The following CREB5 variants were observed in gnomAD, a reference collection of about 807,000 sequenced individuals.
CREB5 encodes the protein cyclic AMP-responsive element-binding protein 5.
In CREB5, 19 loss-of-function variants were observed where a neutral mutation model predicts 57.1. That is an observed-to-expected ratio of 0.33 (90% CI 0.23 to 0.49). The LOEUF (loss-of-function observed/expected upper bound fraction) is 0.49, where lower values mean the gene tolerates loss of function less well. CREB5 is among the 20% of genes least tolerant of loss of function. The pLI, the probability that CREB5 is intolerant of heterozygous loss-of-function variation, is 0.99. For missense variants in CREB5, 579 were observed against 671.6 expected, an observed-to-expected ratio of 0.86 and a Z score of 1.52; for synonymous variants, 238 against 238.3, an observed-to-expected ratio of 1.00 and a Z score of 0.01.
intron 5 of CREB5, among the ~76,000 whole-genome samples, chr7:28,657,664 C>A (rs1184050384): frequency 1.5e-5 from 2 of 129,234 alleles, no homozygotes; most frequent in Non-Finnish European, 1.5e-5. Flanking sequence ...TTGCAGTGAG[C>A]GGAGATCGTG....
chr7:28,491,213 G>A (rs1475436764), intron 2 of CREB5: 1 of 985,452 alleles, frequency 1.0e-6, no homozygotes, highest in Non-Finnish European at 1.2e-6. Flanking sequence ...AAAATTAAAG[G>A]ATAGCCGAGC....
intron 1 of CREB5, among the ~76,000 whole-genome samples, chr7:28,392,496 C>A (rs919011614): frequency 6.6e-6 from 1 of 152,070 alleles, no homozygotes; most frequent in Admixed American, 6.5e-5. Flanking sequence ...ACTTTTGCAC[C>A]AACCAAATAC....
intron 7 of CREB5, among the ~76,000 whole-genome samples, chr7:28,737,856 T>C (rs970018335): frequency 2.0e-5 from 3 of 152,100 alleles, no homozygotes; most frequent in South Asian, 2.1e-4. Context: ...AGCTGTTACA[T>C]TGAATTCACC....
intron 5 of CREB5, among the ~76,000 whole-genome samples, chr7:28,612,546 GTGTGT>G (rs1797433418): frequency 1.3e-4 from 6 of 44,820 alleles, no homozygotes; most frequent in Admixed American, 6.4e-4. Context: ...GAGAAGGGGT[GTGTGT>G]GTGTGTGTGT....
At chr7:28,359,651 C>T (rs1041637476) in intron 1 of CREB5, among the ~76,000 whole-genome samples, 1 of 152,074 alleles carries the variant, frequency 6.6e-6, no homozygotes, top group African/African-American at 2.4e-5. Context: ...CCACACAACA[C>T]TGGTCTAGGC....
intron 1 of CREB5, among the ~76,000 whole-genome samples, chr7:28,463,131 T>G: frequency 6.6e-6 from 1 of 152,186 alleles, no homozygotes; most frequent in East Asian, 1.9e-4. Flanking sequence ...GGATCCACCT[T>G]TATTCTTTTA....
At chr7:28,358,104 T>C in intron 1 of CREB5, among the ~76,000 whole-genome samples, 1 of 152,048 alleles carries the variant, frequency 6.6e-6, no homozygotes, top group East Asian at 1.9e-4. Context: ...GCATACACAC[T>C]TTTTTTCAGT....
intron 5 of CREB5, among the ~76,000 whole-genome samples, chr7:28,656,122 T>G (rs1249599966): frequency 6.6e-6 from 1 of 152,206 alleles, no homozygotes; most frequent in African/African-American, 2.4e-5. Context: ...CAGCCCAGCT[T>G]TACCCCTATG....
intron 1 of CREB5, among the ~76,000 whole-genome samples, chr7:28,306,997 T>G (rs552481989): frequency 5.9e-5 from 9 of 152,310 alleles, no homozygotes; most frequent in African/African-American, 2.2e-4. Context: ...GCTCCAGCAG[T>G]TTTTACCTGT....
intron 5 of CREB5, among the ~76,000 whole-genome samples, chr7:28,627,631 A>G (rs1798051297): frequency 6.6e-6 from 1 of 152,158 alleles, no homozygotes; most frequent in Non-Finnish European, 1.5e-5. Context: ...TGAAATGCAA[A>G]AAAGGGTTTT....
intron 1 of CREB5, among the ~76,000 whole-genome samples, chr7:28,326,276 T>G (rs578248274): frequency 6.6e-6 from 1 of 152,278 alleles, no homozygotes; most frequent in Admixed American, 6.5e-5. Context: ...TACTACATAC[T>G]TTTTTAAACC....
intron 5 of CREB5, among the ~76,000 whole-genome samples, chr7:28,620,695 C>G (rs973922253): frequency 6.6e-6 from 1 of 152,146 alleles, no homozygotes; most frequent in Non-Finnish European, 1.5e-5. Context: ...CATCCAGAGC[C>G]GCTACGGTCA....
rs1467042671 is a variant in CREB5 at position 28,611,924 on chromosome 7, C to T, written c.464+41387C>T. On this transcript the variant is annotated intron_variant, in intron 5 of 10. Coordinates refer to ENST00000357727, the MANE Select transcript of CREB5 (RefSeq NM_182898.4). ...CTTGACAAACTTGACCTCCCTAAAGCAACAAAGAAAAGAAAAGAAGGAAAA... is the reference window on the plus strand; with the variant it reads ...CTTGACAAACTTGACCTCCCTAAAGTAACAAAGAAAAGAAAAGAAGGAAAA... Among the ~76,000 whole-genome samples the T allele has an allele frequency of 5.9e-5, 9 of 152,034 alleles. No homozygotes were observed. The South Asian group carries it at 6.2e-4, about 11-fold the overall frequency.
intron 1 of CREB5, among the ~76,000 whole-genome samples, chr7:28,424,560 G>C (rs1788417868): frequency 6.6e-6 from 1 of 152,234 alleles, no homozygotes; most frequent in Non-Finnish European, 1.5e-5. Flanking sequence ...CATACATGTT[G>C]CACTGACTGA....
chr7:28,541,096 A>G (rs78064111), intron 4 of CREB5, among the ~76,000 whole-genome samples: 21,336 of 152,246 alleles, frequency 0.14, 1,812 homozygotes, highest in East Asian at 0.25. Flanking sequence ...AATGAATAAA[A>G]TATGAGCATG....
rs1287731637 is a variant in CREB5 at position 28,560,873 on chromosome 7, CGCGT to C, written c.292-9478_292-9475del. Among the ~76,000 whole-genome samples, 63 of 22,104 alleles carry C rather than the reference CGCGT, an allele frequency of 2.9e-3. 15 individuals carry two copies. Among genetic ancestry groups the C allele is most frequent in the Admixed American group, 8.1e-3 (13 of 1,604 alleles). 14.5% of individuals were successfully genotyped at this position (22,104 alleles called of 152,430 possible). Reference sequence around the variant, plus strand: ...GTGTGTGTGTGCGTGTGCCTGCGTGCGCGTGCGTGCGTGCGTGTGTGTGCGTGCG... The same window carrying C: ...GTGTGTGTGTGCGTGTGCCTGCGTGCGCGTGCGTGCGTGTGTGTGCGTGCG... On this transcript the variant is annotated intron_variant, in intron 4 of 10. Transcript: ENST00000357727.
intron 1 of CREB5, among the ~76,000 whole-genome samples, chr7:28,332,121 G>A (rs1358119184): frequency 6.6e-6 from 1 of 152,150 alleles, no homozygotes; most frequent in Non-Finnish European, 1.5e-5. Context: ...AGAGGAGAAG[G>A]CTACATGAAG....
At chr7:28,692,317 C>T (rs1399277723) in intron 5 of CREB5, among the ~76,000 whole-genome samples, 4 of 152,060 alleles carry the variant, frequency 2.6e-5, no homozygotes, top group Non-Finnish European at 5.9e-5. Context: ...AGAGGTGTGG[C>T]CAGAGGTGGT....
chr7:28,348,656 C>T (rs1331960367), intron 1 of CREB5, among the ~76,000 whole-genome samples: 6 of 152,258 alleles, frequency 3.9e-5, no homozygotes, highest in Middle Eastern at 3.4e-3. Context: ...CAACAGCATC[C>T]GTCTTTCCAT....
Sources: allele counts gnomAD v4.1 joint callset (sites outside exome capture counted in the v4.1 genomes callset), GRCh38; gene constraint gnomAD v4.1.1; transcripts MANE v1.5; gene names NCBI Gene and HGNC (gene_info 2026-07-23, HGNC 2026-07-21).